ILKAP: variants seen among roughly 807,000 people sequenced by gnomAD.
The protein encoded by ILKAP is ILK associated serine/threonine phosphatase.
ILKAP carries 11 observed loss-of-function variants against 49.1 expected under a neutral mutation model. The ratio of observed to expected loss-of-function variants is 0.22; its 90% CI spans 0.14 to 0.37. ILKAP has a LOEUF of 0.37. ILKAP is among the 10% of genes least tolerant of loss of function. The pLI, the probability that ILKAP is intolerant of heterozygous loss-of-function variation, is 1.00. For synonymous variants in ILKAP, 186 were observed against 192.8 expected, an observed-to-expected ratio of 0.96 and a Z score of 0.29; for missense variants, 363 against 510.8, an observed-to-expected ratio of 0.71 and a Z score of 2.79.
At chr2:238,181,741 G>A (rs1307251512) in intron 9 of ILKAP, among the ~76,000 whole-genome samples, 1 of 151,792 alleles carries the variant, frequency 6.6e-6, no homozygotes, top group East Asian at 1.9e-4. Flanking sequence ...TCCTGCCTCA[G>A]CCTCCCGAGT....
intron 10 of ILKAP, 118 bp from the exon 11 acceptor site, chr2:238,171,142 GTTT>G (rs1013383861): frequency 3.6e-6 from 2 of 552,370 alleles, no homozygotes; most frequent in African/African-American, 2.0e-5. Flanking sequence ...AAAGGCTAAG[GTTT>G]TTTTTTTCTT....
At chr2:238,186,422 CAGG>C (rs1693910930) in intron 5 of ILKAP, 1 of 152,338 alleles carries the variant, frequency 6.6e-6, no homozygotes, top group African/African-American at 2.4e-5. Context: ...CACTTGAGGC[CAGG>C]AGTTCAAGAC....
intron 3 of ILKAP, among the ~76,000 whole-genome samples, chr2:238,192,556 T>G (rs907009707): frequency 2.0e-5 from 3 of 151,580 alleles, no homozygotes; most frequent in Non-Finnish European, 2.9e-5. Context: ...AAAAATTAGG[T>G]GGGCGTGGTG....
intron 9 of ILKAP, among the ~76,000 whole-genome samples, chr2:238,180,937 T>C (rs1693663915): frequency 6.6e-6 from 1 of 152,222 alleles, no homozygotes; most frequent in Non-Finnish European, 1.5e-5. Flanking sequence ...GGCATGACTG[T>C]CCACAGTAGT....
intron 5 of ILKAP, 176 bp from the exon 6 acceptor site, chr2:238,185,463 A>G (rs1693864268): frequency 1.9e-6 from 1 of 523,738 alleles, no homozygotes; most frequent in East Asian, 3.0e-5. Context: ...ACTGAGACAA[A>G]TATTTAAGTA....
chr2:238,175,001 A>C (rs1198429467), intron 9 of ILKAP, among the ~76,000 whole-genome samples: 1 of 152,238 alleles, frequency 6.6e-6, no homozygotes, highest in African/African-American at 2.4e-5. Flanking sequence ...AGGTCCCAGA[A>C]GACCAAGTAG....
At chr2:238,196,945 A>G (rs1171910755) in intron 1 of ILKAP, among the ~76,000 whole-genome samples, 8 of 152,192 alleles carry the variant, frequency 5.3e-5, no homozygotes, top group Non-Finnish European at 1.0e-4. Context: ...GCTCACACCT[A>G]TAATCCCAGC....
chr2:238,201,689 T>C (rs1407140603), intron 1 of ILKAP, among the ~76,000 whole-genome samples: 3 of 152,180 alleles, frequency 2.0e-5, no homozygotes, highest in African/African-American at 4.8e-5. Context: ...CAGAACCTAA[T>C]TAATTGCAGG....
At chr2:238,172,040 T>C (rs1693243665) in intron 10 of ILKAP, among the ~76,000 whole-genome samples, 1 of 151,928 alleles carries the variant, frequency 6.6e-6, no homozygotes, top group Non-Finnish European at 1.5e-5. Flanking sequence ...TTTTTCTTTG[T>C]TTTTTGTTGC....
At chr2:238,198,688 G>A (rs1021519944) in intron 1 of ILKAP, among the ~76,000 whole-genome samples, 1 of 152,108 alleles carries the variant, frequency 6.6e-6, no homozygotes, top group Admixed American at 6.5e-5. Flanking sequence ...GACTAAAAAT[G>A]TCCATTAATC....
At chr2:238,195,363 CT>C (rs1013256241) in intron 1 of ILKAP, among the ~76,000 whole-genome samples, 9 of 152,216 alleles carry the variant, frequency 5.9e-5, no homozygotes, top group African/African-American at 2.2e-4. Context: ...GGAAGAAAAT[CT>C]GTTGGAACCT....
intron 9 of ILKAP, among the ~76,000 whole-genome samples, chr2:238,178,920 T>G (rs1693579239): frequency 6.6e-6 from 1 of 152,190 alleles, no homozygotes; most frequent in South Asian, 2.1e-4. Flanking sequence ...GCCTCCTGAG[T>G]AGGACCACAA....
At chr2:238,184,510 C>T (rs1693823739) in intron 6 of ILKAP, among the ~76,000 whole-genome samples, 1 of 151,996 alleles carries the variant, frequency 6.6e-6, no homozygotes, top group Non-Finnish European at 1.5e-5. Flanking sequence ...AATTTCTGCA[C>T]ATCAATTGAT....
intron 3 of ILKAP, among the ~76,000 whole-genome samples, chr2:238,193,740 A>G (rs558014435): frequency 2.3e-4 from 35 of 152,270 alleles, no homozygotes; most frequent in Admixed American, 1.1e-3. Context: ...CCCCCACACC[A>G]TCTATCTCCC....
intron 1 of ILKAP, among the ~76,000 whole-genome samples, chr2:238,199,313 G>T (rs1450809311): frequency 6.6e-6 from 1 of 152,190 alleles, no homozygotes; most frequent in African/African-American, 2.4e-5. Context: ...CTCGTCAAAG[G>T]ATATTAGTTT....
intron 1 of ILKAP, among the ~76,000 whole-genome samples, chr2:238,195,263 T>C (rs7575100): frequency 0.28 from 41,842 of 152,122 alleles, 6,159 homozygotes; most frequent in South Asian, 0.37. Flanking sequence ...GACTTCCTGA[T>C]AGACGTTCAG....
chr2:238,177,313 T>C (rs1693503739), intron 9 of ILKAP, among the ~76,000 whole-genome samples: 2 of 152,362 alleles, frequency 1.3e-5, no homozygotes, highest in South Asian at 2.1e-4. Flanking sequence ...ATGTTTTTTA[T>C]TGTGGTAAAA....
At chr2:238,196,894 A>T (rs1694366194) in intron 1 of ILKAP, among the ~76,000 whole-genome samples, 1 of 152,236 alleles carries the variant, frequency 6.6e-6, no homozygotes, top group Admixed American at 6.5e-5. Flanking sequence ...AAGAAGCAGA[A>T]GAAAGCCATT....
rs924369210 is a variant in ILKAP, at chr2:238,203,583, G to C, written c.-30C>G. 1.8e-6 allele frequency: 2 copies of C among 1,141,370 alleles called. No homozygotes were observed. Among genetic ancestry groups the C allele is most frequent in the Non-Finnish European group, 2.2e-6 (2 of 926,812 alleles). The allele number at this position is 1,141,370 out of a possible 1,614,324, so 70.7% of individuals were successfully genotyped here. A position where few individuals can be genotyped will look rare whatever the true frequency, so the allele number is the denominator to read the frequency against. On this transcript the variant is annotated 5_prime_UTR_variant, in exon 1 of 12. Transcript: ENST00000254654. ...GAGGCTGGGTGGAGGCGGCAGCAGC[G>C]ACAGACACTCAGCCCGCGAGCAGCG...
Sources: allele counts gnomAD v4.1 joint callset (sites outside exome capture counted in the v4.1 genomes callset), GRCh38; gene constraint gnomAD v4.1.1; transcripts MANE v1.5; gene names NCBI Gene and HGNC (gene_info 2026-07-23, HGNC 2026-07-21).